The following ADORA2B variants were observed in gnomAD, a reference collection of about 807,000 sequenced individuals.
ADORA2B encodes the protein adenosine A2b receptor.
ADORA2B carries 18 observed loss-of-function variants against 20.8 expected under a neutral mutation model. The ratio of observed to expected loss-of-function variants is 0.87; its 90% CI spans 0.60 to 1.29. ADORA2B has a LOEUF of 1.29. Ranked by LOEUF, ADORA2B falls within the 50% of genes most tolerant of loss-of-function variation. ADORA2B has a pLI of 0.00. For synonymous variants in ADORA2B, 179 were observed against 178.3 expected (o/e 1.00, Z -0.03); for missense variants, 441 against 422.7 (o/e 1.04, Z -0.38).
chr17:15,936,620 C>T, the ADORA2B span, among the ~76,000 whole-genome samples: 3 of 152,252 alleles, frequency 2.0e-5, no homozygotes, highest in African/African-American at 7.2e-5. Context: ...GCACCTGGCC[C>T]CTTTTAATTT....
chr17:15,901,749 T>C, the ADORA2B span, among the ~76,000 whole-genome samples: 11 of 152,158 alleles, frequency 7.2e-5, no homozygotes, highest in African/African-American at 2.7e-4. Context: ...AATTTATTCA[T>C]GGTATAATCG....
At chr17:15,954,256 G>C (rs2151597313) in intron 1 of ADORA2B, among the ~76,000 whole-genome samples, 2 of 152,288 alleles carry the variant, frequency 1.3e-5, no homozygotes, top group Middle Eastern at 3.4e-3. Context: ...TGGGATTACA[G>C]GTGTGACCCA....
intron 1 of ADORA2B, among the ~76,000 whole-genome samples, chr17:15,948,279 C>T (rs373739153): frequency 1.1e-4 from 1 of 8,750 alleles, no homozygotes; most frequent in Non-Finnish European, 1.2e-3. Context: ...GGAGGGAATG[C>T]CAGGGACAAA....
chr17:15,958,247 A>G (rs1057410629), intron 1 of ADORA2B, among the ~76,000 whole-genome samples: 7 of 151,812 alleles, frequency 4.6e-5, no homozygotes, highest in Non-Finnish European at 7.4e-5. Flanking sequence ...CAAACTCCCA[A>G]CGTCAGGTGA....
At chr17:15,921,102 T>C in the ADORA2B span, among the ~76,000 whole-genome samples, 1 of 152,246 alleles carries the variant, frequency 6.6e-6, no homozygotes, top group East Asian at 1.9e-4. Context: ...GTGTGAGTTT[T>C]ATCATCCATC....
intron 1 of ADORA2B, 181 bp from the exon 2 acceptor site, chr17:15,974,498 T>C: frequency 5.4e-6 from 3 of 560,392 alleles, no homozygotes; most frequent in Non-Finnish European, 9.4e-6. Context: ...CTGAGTTTTC[T>C]AGAGCAAAGC....
At chr17:15,972,382 C>T (rs543099329) in intron 1 of ADORA2B, among the ~76,000 whole-genome samples, 1 of 152,276 alleles carries the variant, frequency 6.6e-6, no homozygotes, top group African/African-American at 2.4e-5. Flanking sequence ...CCAGAGATTA[C>T]AGAAGGATTT....
At chr17:15,962,983 CA>C in intron 1 of ADORA2B, among the ~76,000 whole-genome samples, 1 of 152,234 alleles carries the variant, frequency 6.6e-6, no homozygotes, top group East Asian at 1.9e-4. Flanking sequence ...AGCCATTTTC[CA>C]AAGAGTCTTG....
chr17:15,869,033 T>A, the ADORA2B span, among the ~76,000 whole-genome samples: 1 of 151,480 alleles, frequency 6.6e-6, no homozygotes, highest in African/African-American at 2.4e-5. Context: ...TAAAAAATAA[T>A]TGAAGGCCAG....
the ADORA2B span, among the ~76,000 whole-genome samples, chr17:15,871,654 G>T: frequency 1.3e-5 from 2 of 152,182 alleles, no homozygotes; most frequent in Non-Finnish European, 2.9e-5. Context: ...GGCAGAAGGG[G>T]CCCATGTGAC....
chr17:15,940,080 A>G, the ADORA2B span, among the ~76,000 whole-genome samples: 1 of 152,182 alleles, frequency 6.6e-6, no homozygotes, highest in Non-Finnish European at 1.5e-5. Flanking sequence ...GAAACAATAC[A>G]TGTGGTAACA....
chr17:15,958,198 A>G (rs980233527), intron 1 of ADORA2B, among the ~76,000 whole-genome samples: 8 of 152,070 alleles, frequency 5.3e-5, no homozygotes, highest in Admixed American at 5.2e-4. Context: ...TTGTATTTTC[A>G]GTAGAGACAG....
At chr17:15,933,201 C>G in the ADORA2B span, among the ~76,000 whole-genome samples, 2 of 152,122 alleles carry the variant, frequency 1.3e-5, no homozygotes, top group Non-Finnish European at 2.9e-5. Flanking sequence ...GTGATCCGCC[C>G]GCCTCAGCCT....
At chr17:15,859,231 C>T in the ADORA2B span, among the ~76,000 whole-genome samples, 1 of 152,124 alleles carries the variant, frequency 6.6e-6, no homozygotes, top group African/African-American at 2.4e-5. Context: ...CCTCCAGGCA[C>T]CTGTCTGCTT....
chr17:15,923,724 A>C, the ADORA2B span, among the ~76,000 whole-genome samples: 3 of 151,994 alleles, frequency 2.0e-5, no homozygotes, highest in African/African-American at 7.2e-5. Flanking sequence ...CATATTTCTT[A>C]GTGAGTGTTT....
the ADORA2B span, among the ~76,000 whole-genome samples, chr17:15,920,202 C>T: frequency 2.2e-4 from 33 of 152,000 alleles, no homozygotes; most frequent in African/African-American, 7.0e-4. Context: ...ATAATAGACA[C>T]GGGAGACACA....
the ADORA2B span, among the ~76,000 whole-genome samples, chr17:15,900,538 C>T: frequency 6.6e-6 from 1 of 152,004 alleles, no homozygotes; most frequent in Non-Finnish European, 1.5e-5. Flanking sequence ...CTTTGAACTC[C>T]CAGGCTAAAG....
chr17:15,949,234 C>A (rs1013730037), intron 1 of ADORA2B, among the ~76,000 whole-genome samples: 2 of 151,754 alleles, frequency 1.3e-5, no homozygotes, highest in South Asian at 4.2e-4. Context: ...AGCTATAGTC[C>A]AGGCACAGTG....
chr17:15,947,540 G>T (rs748289466), intron 1 of ADORA2B, among the ~76,000 whole-genome samples: 2 of 152,246 alleles, frequency 1.3e-5, no homozygotes, highest in Non-Finnish European at 2.9e-5. Flanking sequence ...AGAACACTGA[G>T]GCTCGCCCCA....
Sources: allele counts gnomAD v4.1 joint callset (sites outside exome capture counted in the v4.1 genomes callset), GRCh38; gene constraint gnomAD v4.1.1; transcripts MANE v1.5; gene names NCBI Gene and HGNC (gene_info 2026-07-23, HGNC 2026-07-21).